SGSM1: variants seen among roughly 807,000 people sequenced by gnomAD.
The protein encoded by SGSM1 is RUN and TBC1 domain containing 2.
A neutral mutation model predicts 133.8 loss-of-function variants in SGSM1; 73 were observed. That is an observed-to-expected ratio of 0.55 (90% CI 0.45 to 0.66). The LOEUF is 0.66. Among genes scored for constraint, SGSM1 ranks in the 30% least tolerant of loss-of-function variants. SGSM1 has a pLI of 0.00. For missense variants in SGSM1, 1,213 were observed against 1,448.1 expected, an observed-to-expected ratio of 0.84 and a Z score of 2.64; for synonymous variants, 563 against 573.0, an observed-to-expected ratio of 0.98 and a Z score of 0.25.
intron 22 of SGSM1, among the ~76,000 whole-genome samples, chr22:24,915,439 T>C (rs938738631): frequency 6.6e-6 from 1 of 152,200 alleles, no homozygotes; most frequent in Admixed American, 6.5e-5. Context: ...CAGGGCAGTA[T>C]GGTAAGGATT....
At chr22:24,840,426 C>T (rs1416396630) in intron 2 of SGSM1, among the ~76,000 whole-genome samples, 1 of 152,210 alleles carries the variant, frequency 6.6e-6, no homozygotes, top group Non-Finnish European at 1.5e-5. Flanking sequence ...TCACTGCAGC[C>T]TCCACCTCCC....
At chr22:24,871,206 C>T (rs1413404909) in intron 12 of SGSM1, among the ~76,000 whole-genome samples, 1 of 152,106 alleles carries the variant, frequency 6.6e-6, no homozygotes, top group Non-Finnish European at 1.5e-5. Flanking sequence ...TGCCAGGTGT[C>T]CTCTGGAGGG....
chr22:24,886,834 A>G (rs538100609), intron 16 of SGSM1, 106 bp downstream of exon 16: 97 of 1,384,776 alleles, frequency 7.0e-5, no homozygotes, highest in Non-Finnish European at 8.7e-5. Flanking sequence ...GGGGAGGGAG[A>G]TACGGGGAAG....
chr22:24,850,765 A>G (rs958570718), intron 5 of SGSM1, among the ~76,000 whole-genome samples: 1 of 152,130 alleles, frequency 6.6e-6, no homozygotes, highest in East Asian at 1.9e-4. Flanking sequence ...TACTCCAGAG[A>G]AGTGAGAAGG....
chr22:24,856,515 A>G (rs1930797362), intron 8 of SGSM1, among the ~76,000 whole-genome samples: 1 of 152,186 alleles, frequency 6.6e-6, no homozygotes, highest in South Asian at 2.1e-4. Flanking sequence ...TCCTGCCTTC[A>G]TGCAGTGTCT....
chr22:24,884,208 A>T lies in SGSM1; in HGVS notation c.1641+10A>T. The T allele has an allele frequency of 6.2e-7, 1 of 1,610,674 alleles. No individual in the cohort carries two copies. Among genetic ancestry groups the T allele is most frequent in the Non-Finnish European group, 8.5e-7 (1 of 1,177,492 alleles). On this transcript the variant is annotated intron_variant, in intron 15 of 24. Coordinates refer to ENST00000400358, the MANE Select transcript of SGSM1 (RefSeq NM_001098497.3). ...CCTTCACGACAGCACAGTAAGGCTT[A>T]GCTGGGCTTGGTCTGCAGTGATGCA...
chr22:24,863,041 A>G (rs1385239173), intron 9 of SGSM1, among the ~76,000 whole-genome samples: 1 of 152,154 alleles, frequency 6.6e-6, no homozygotes, highest in Non-Finnish European at 1.5e-5. Context: ...ATGTTTTGGG[A>G]AAAGCATTGG....
chr22:24,830,151 G>C (rs1289437778), intron 2 of SGSM1, among the ~76,000 whole-genome samples: 1 of 152,192 alleles, frequency 6.6e-6, no homozygotes, highest in East Asian at 1.9e-4. Flanking sequence ...TAATTAACCA[G>C]CCTTTTCAAT....
intron 2 of SGSM1, among the ~76,000 whole-genome samples, chr22:24,839,781 T>A (rs1002374878): frequency 1.3e-5 from 2 of 152,184 alleles, no homozygotes; most frequent in African/African-American, 4.8e-5. Context: ...TTTATTTGTT[T>A]ATAGTATTCT....
At chr22:24,859,383 T>C (rs1930993728) in intron 8 of SGSM1, among the ~76,000 whole-genome samples, 1 of 152,084 alleles carries the variant, frequency 6.6e-6, no homozygotes, top group Non-Finnish European at 1.5e-5. Flanking sequence ...AAAAGCGTGA[T>C]TTTCAGTGGG....
chr22:24,830,279 A>G (rs1282522117), intron 2 of SGSM1, among the ~76,000 whole-genome samples: 1 of 152,194 alleles, frequency 6.6e-6, no homozygotes, highest in African/African-American at 2.4e-5. Context: ...AGAGGTCTTC[A>G]CTTGGATCCC....
In SGSM1 at chr22:24,900,920, C is replaced by T. The variant is rs1466954433; in HGVS notation, c.2611-913C>T. 5.9e-5 allele frequency among the ~76,000 whole-genome samples: 9 copies of T among 152,126 alleles called. 1 individual carries two copies. On this transcript the variant is annotated intron_variant, in intron 19 of 24. Transcript: ENST00000400358. ...AGACCCAGGTGGAAGGTAGATTCCT[C>T]AAGAGAGGGGTTTTCTTCTGCTTCT... is the stretch of plus-strand genomic sequence containing the variant.
At chr22:24,920,238 G>C (rs1266752130) in intron 24 of SGSM1, among the ~76,000 whole-genome samples, 2 of 152,194 alleles carry the variant, frequency 1.3e-5, no homozygotes, top group African/African-American at 4.8e-5. Context: ...GGCAAAGTCT[G>C]GTTCTATCGC....
At chr22:24,806,600 T>A in intron 2 of SGSM1, 116 bp downstream of exon 2, 1 of 1,268,622 alleles carries the variant, frequency 7.9e-7, no homozygotes, top group Non-Finnish European at 1.0e-6. Flanking sequence ...AGAACAGGTG[T>A]GGGGCTCACC....
Position 24,850,439 on chromosome 22 carries a change from G to C in SGSM1, c.455+7G>C. ...ACCTTGTGGAAAACAGCAGGTGAGAGGGAAAGACCTGACACCTGGCCATGC... is the reference window on the plus strand; with the variant it reads ...ACCTTGTGGAAAACAGCAGGTGAGACGGAAAGACCTGACACCTGGCCATGC... On this transcript the variant is annotated splice_region_variant and intron_variant, in intron 5 of 24. Transcript: ENST00000400358. 3 of 1,613,684 alleles carry C rather than the reference G, an allele frequency of 1.9e-6. No homozygotes were observed. The highest frequency in any genetic ancestry group is 2.5e-6 in the Non-Finnish European group (3 of 1,179,706).
At chr22:24,848,939 T>G (rs1930301045) in intron 4 of SGSM1, among the ~76,000 whole-genome samples, 1 of 152,208 alleles carries the variant, frequency 6.6e-6, no homozygotes, top group African/African-American at 2.4e-5. Context: ...TTGGAATGAC[T>G]TCTCAGCCAA....
chr22:24,895,412 AT>A, intron 18 of SGSM1, 121 bp downstream of exon 18: 1 of 992,100 alleles, frequency 1.0e-6, no homozygotes, highest in Non-Finnish European at 1.5e-6. Flanking sequence ...AGCTTTTTAT[AT>A]TAGCATTAAA....
chr22:24,899,522 T>TC (rs1194950215), intron 19 of SGSM1, among the ~76,000 whole-genome samples: 17 of 143,198 alleles, frequency 1.2e-4, no homozygotes, highest in Admixed American at 8.2e-4. Context: ...TCTTTTCTTT[T>TC]TTTTTTTTTT....
At chr22:24,846,492 T>A in intron 3 of SGSM1, among the ~76,000 whole-genome samples, 1 of 152,326 alleles carries the variant, frequency 6.6e-6, no homozygotes, top group South Asian at 2.1e-4. Flanking sequence ...ATCTTAAGAC[T>A]TGCTAGCCTA....
Sources: gnomAD v4.1 joint callset for allele counts (sites outside exome capture counted in the v4.1 genomes callset) on GRCh38, gnomAD v4.1.1 for gene constraint, MANE v1.5 for transcripts, NCBI Gene and HGNC (gene_info 2026-07-23, HGNC 2026-07-21) for gene names.